Variants in TMEM165 observed in about 807,000 individuals in gnomAD.
TMEM165 encodes the protein transmembrane protein 165.
A neutral mutation model predicts 30.0 loss-of-function variants in TMEM165; 19 were observed. That is an observed-to-expected ratio of 0.63 (90% CI 0.44 to 0.93). TMEM165 has a LOEUF of 0.93. TMEM165 is among the 40% of genes least tolerant of loss of function. The pLI, the probability that TMEM165 is intolerant of heterozygous loss-of-function variation, is 0.00. For synonymous variants in TMEM165, 168 were observed against 162.9 expected (o/e 1.03, Z -0.24); for missense variants, 340 against 417.0 (o/e 0.82, Z 1.61).
exon 4 of TMEM165, chr4:55,453,101 G>A: frequency 6.2e-7 from 1 of 1,612,616 alleles, no homozygotes. Flanking sequence ...CCAAGTTCTC[G>A]TCGTCTTTCA....
At chr4:55,426,939 AAT>A (rs1722227925), downstream of TMEM165, among the ~76,000 whole-genome samples, 1 of 152,352 alleles carries the variant, frequency 6.6e-6, no homozygotes, top group Admixed American at 6.5e-5. Flanking sequence ...GGTAGAAAAC[AAT>A]GTCTGTGGAT....
chr4:55,412,367 CTGGG>C (rs1211431697), intron 2 of TMEM165, among the ~76,000 whole-genome samples: 1 of 113,314 alleles, frequency 8.8e-6, no homozygotes, highest in African/African-American at 3.3e-5. Flanking sequence ...ACACTCCAGC[CTGGG>C]TGATAGAGTG....
intron 1 of TMEM165, among the ~76,000 whole-genome samples, chr4:55,408,047 G>C (rs556961490): frequency 6.6e-6 from 1 of 152,234 alleles, no homozygotes; most frequent in South Asian, 2.1e-4. Flanking sequence ...TCCCTGTGAA[G>C]GTGAATTAGA....
intron 1 of TMEM165, among the ~76,000 whole-genome samples, chr4:55,404,266 C>T (rs1426252251): frequency 4.6e-5 from 7 of 151,842 alleles, no homozygotes; most frequent in Non-Finnish European, 7.4e-5. Context: ...CTGTCCACCT[C>T]GGCCTCCCAA....
chr4:55,396,824 A>G (rs1326167733), intron 1 of TMEM165, among the ~76,000 whole-genome samples: 1 of 152,128 alleles, frequency 6.6e-6, no homozygotes, highest in Non-Finnish European at 1.5e-5. Context: ...GCTTACCCAA[A>G]TTCAACTTGG....
chr4:55,453,185 G>A, exon 4 of TMEM165: 1 of 1,331,368 alleles, frequency 7.5e-7, no homozygotes, highest in Non-Finnish European at 1.1e-6. Flanking sequence ...TTAAAATACT[G>A]CACAGCTGTA....
At chr4:55,443,311 C>A (rs1723520931) in intron 3 of TMEM165, among the ~76,000 whole-genome samples, 3 of 151,860 alleles carry the variant, frequency 2.0e-5, no homozygotes, top group Non-Finnish European at 4.4e-5. Context: ...CCCATCTCTA[C>A]TAAAAATATG....
At chr4:55,430,705 TC>T (rs1339997461), downstream of TMEM165, 1 of 152,140 alleles carries the variant, frequency 6.6e-6, no homozygotes, top group East Asian at 1.9e-4. Flanking sequence ...TCAGAATAAT[TC>T]TTGAAATTAT....
intron 3 of TMEM165, chr4:55,449,944 C>G: frequency 1.0e-6 from 1 of 988,606 alleles, no homozygotes; most frequent in Non-Finnish European, 1.5e-6. Flanking sequence ...GGCAATGTCC[C>G]TTTAACTCAC....
At chr4:55,448,583 TGCGCGC>T (rs1016031959) in intron 3 of TMEM165, among the ~76,000 whole-genome samples, 1 of 106,000 alleles carries the variant, frequency 9.4e-6, no homozygotes, top group Non-Finnish European at 2.0e-5. Flanking sequence ...ATTATATATG[TGCGCGC>T]GCGCACGCGC....
chr4:55,404,565 A>G (rs1175339537), intron 1 of TMEM165, among the ~76,000 whole-genome samples: 3 of 151,996 alleles, frequency 2.0e-5, no homozygotes, highest in Non-Finnish European at 2.9e-5. Context: ...AGCTGGGACT[A>G]CAGGTGCATG....
At chr4:55,442,271 C>A in intron 3 of TMEM165, 1 of 681,546 alleles carries the variant, frequency 1.5e-6, no homozygotes, top group Non-Finnish European at 2.5e-6. Context: ...AGTCTTTAAA[C>A]AATGAATACA....
intron 3 of TMEM165, chr4:55,444,547 C>T: frequency 6.6e-7 from 1 of 1,513,476 alleles, no homozygotes; most frequent in South Asian, 1.1e-5. Context: ...TCTCTTGCAT[C>T]TCACTTTTAA....
At chr4:55,408,140 G>A (rs576779) in intron 1 of TMEM165, among the ~76,000 whole-genome samples, 89,447 of 152,098 alleles carry the variant, frequency 0.59, 27,813 homozygotes, top group South Asian at 0.81. Context: ...AATTAAAAAA[G>A]ATCTTCTATC....
exon 4 of TMEM165, chr4:55,453,390 C>G: frequency 4.1e-6 from 2 of 488,796 alleles, no homozygotes; most frequent in South Asian, 7.4e-5. Flanking sequence ...GAAGTGTATG[C>G]TTATCTACCT....
At chr4:55,451,861 T>C (rs892355142) in intron 3 of TMEM165, among the ~76,000 whole-genome samples, 1 of 152,174 alleles carries the variant, frequency 6.6e-6, no homozygotes, top group Non-Finnish European at 1.5e-5. Context: ...AGCAGGGAAG[T>C]TGTTTGCATT....
intron 3 of TMEM165, chr4:55,435,058 C>T: frequency 3.0e-6 from 1 of 333,358 alleles, no homozygotes; most frequent in Non-Finnish European, 5.9e-6. Context: ...ATAAGAGGCA[C>T]AGAACCACTA....
At chr4:55,436,067 T>C (rs1722854642) in intron 3 of TMEM165, among the ~76,000 whole-genome samples, 3 of 152,148 alleles carry the variant, frequency 2.0e-5, no homozygotes, top group Non-Finnish European at 4.4e-5. Flanking sequence ...TGGTTCAAAC[T>C]TGGGCTGCCC....
At chr4:55,414,345 AAC>A (rs771266900) in intron 2 of TMEM165, among the ~76,000 whole-genome samples, 14 of 151,700 alleles carry the variant, frequency 9.2e-5, no homozygotes, top group Non-Finnish European at 1.3e-4. Context: ...AAGTGGGTTT[AAC>A]AGTCTTTATA....
Sources: allele counts gnomAD v4.1 joint callset (sites outside exome capture counted in the v4.1 genomes callset), GRCh38; gene constraint gnomAD v4.1.1; transcripts MANE v1.5; gene names NCBI Gene and HGNC (gene_info 2026-07-23, HGNC 2026-07-21).